Variants in WNK2 observed in about 807,000 individuals in gnomAD.
WNK2 encodes the protein WNK lysine deficient protein kinase 2, also known as serine/threonine-protein kinase WNK2.
WNK2 carries 67 observed loss-of-function variants against 192.1 expected under a neutral mutation model. The ratio of observed to expected loss-of-function variants is 0.35; its 90% CI spans 0.29 to 0.43. The LOEUF (loss-of-function observed/expected upper bound fraction) is 0.43. Ranked by LOEUF, WNK2 falls within the 20% of genes least tolerant of loss-of-function variation. WNK2 has a pLI of 1.00. For synonymous variants in WNK2, 1,439 were observed against 1,393.9 expected (o/e 1.03, Z -0.72); for missense variants, 2,698 against 3,089.7 (o/e 0.87, Z 3.01).
intron 29 of WNK2, chr9:93,318,040 C>T: frequency 6.2e-7 from 1 of 1,612,376 alleles, no homozygotes; most frequent in Non-Finnish European, 8.5e-7. Flanking sequence ...TCCTGTGGTC[C>T]ACGCGCCGTC....
rs188552901 is a variant in WNK2 at position 93,200,212 on chromosome 9, G to A, written c.681+14602G>A. ...CCCCTGGGGACATGGATGGCTTATC[G>A]GGGGGCCTCCTCGAGGCCTGGCCTT... On this transcript the variant is annotated intron_variant, in intron 2 of 29. Coordinates refer to ENST00000427277, the MANE Select transcript of WNK2 (RefSeq NM_006648.4). 4.6e-4 allele frequency among the ~76,000 whole-genome samples: 70 copies of A among 152,322 alleles called. No individual in the cohort carries two copies. The East Asian group carries it at 0.01, about 23-fold the overall frequency.
At chr9:93,319,609 T>A (rs1351355415) in intron 29 of WNK2, among the ~76,000 whole-genome samples, 1 of 152,196 alleles carries the variant, frequency 6.6e-6, no homozygotes, top group East Asian at 1.9e-4. Flanking sequence ...GGAGGCTTGG[T>A]TTGCATTACT....
At chr9:93,240,735 G>A (rs1393424353) in intron 7 of WNK2, among the ~76,000 whole-genome samples, 3 of 152,198 alleles carry the variant, frequency 2.0e-5, no homozygotes, top group African/African-American at 7.2e-5. Context: ...TGTGGGGACA[G>A]GTGCAGCAGG....
intron 27 of WNK2, chr9:93,307,799 T>TG (rs1464323316): frequency 3.9e-5 from 6 of 153,308 alleles, no homozygotes; most frequent in Non-Finnish European, 8.7e-5. Flanking sequence ...CAGGCAGCCC[T>TG]GGCAGGCATT....
At chr9:93,199,986 G>C (rs1832040247) in intron 2 of WNK2, among the ~76,000 whole-genome samples, 1 of 152,042 alleles carries the variant, frequency 6.6e-6, no homozygotes, top group African/African-American at 2.4e-5. Context: ...GTCCAGGGCA[G>C]CCCCAGCCTG....
At chr9:93,198,922 C>T (rs1031501201) in intron 2 of WNK2, among the ~76,000 whole-genome samples, 3 of 152,174 alleles carry the variant, frequency 2.0e-5, no homozygotes, top group South Asian at 2.1e-4. Context: ...GTCTCGAGCT[C>T]GGGGCCTCCT....
At position 93,269,330 on chromosome 9, in the gene WNK2, C is replaced by A. The variant is rs189785330; in HGVS notation, c.4033+584C>A. 8.5e-5 allele frequency among the ~76,000 whole-genome samples: 13 copies of A among 152,268 alleles called. No homozygotes were observed. The East Asian group carries it at 2.3e-3, about 27-fold the overall frequency. On this transcript the variant is annotated intron_variant, in intron 19 of 29. Transcript: ENST00000427277. The stretch of plus-strand genomic sequence containing the variant: ...ACTTGAACAAATTTAAGGTTTAATT[C>A]CTTACCAGTTGGCAGGGGAAAGTTA...
intron 16 of WNK2, among the ~76,000 whole-genome samples, chr9:93,267,470 A>G (rs1845355293): frequency 6.6e-6 from 1 of 152,166 alleles, no homozygotes; most frequent in African/African-American, 2.4e-5. Flanking sequence ...GACCGGCCTC[A>G]GGGTCTGTAA....
intron 7 of WNK2, among the ~76,000 whole-genome samples, chr9:93,244,931 T>C (rs1028935692): frequency 1.3e-5 from 2 of 152,204 alleles, no homozygotes; most frequent in Non-Finnish European, 1.5e-5. Context: ...CTGAGTGGCC[T>C]TGGGGCTGGT....
chr9:93,319,193 C>A, intron 29 of WNK2: 1 of 1,613,106 alleles, frequency 6.2e-7, no homozygotes, highest in East Asian at 2.2e-5. Context: ...GAAAAATAAA[C>A]ACTTTTGCTC....
intron 9 of WNK2, among the ~76,000 whole-genome samples, chr9:93,255,531 C>A (rs573688427): frequency 6.6e-6 from 1 of 152,112 alleles, no homozygotes; most frequent in Admixed American, 6.5e-5. Context: ...GCACCCACCG[C>A]GAAAGACAAG....
rs1178358976 is a variant in WNK2 at position 93,263,960 on chromosome 9, C to T, written c.3623C>T (p.Thr1208Met). ...AAGATGGTGGAGTGCCAGCTGGAGA[C>T]GCACAACCACAAGATGGTGACCTTC... ...GDKMVECQLE[T>M]HNHKMVTFKF... The change falls in exon 16 of 30, where the codon ACG (threonine) becomes ATG (methionine). Residue 1208 changes from threonine to methionine, a missense_variant. By Grantham distance (81) the Thr-to-Met change is moderately conservative (BLOSUM62 -1). Around this residue, in one of 7 missense-constraint regions of WNK2, gnomAD observed 21 missense variants for 53.2 expected, o/e 0.39. Coordinates refer to ENST00000427277, the MANE Select transcript of WNK2 (RefSeq NM_006648.4). 1.2e-6 allele frequency: 2 copies of T among 1,613,296 alleles called. No homozygotes were observed. Among genetic ancestry groups the T allele is most frequent in the East Asian group, 2.2e-5 (1 of 44,874 alleles).
chr9:93,188,093 G>GA (rs1299941608), intron 2 of WNK2, among the ~76,000 whole-genome samples: 1 of 152,158 alleles, frequency 6.6e-6, no homozygotes, highest in African/African-American at 2.4e-5. Flanking sequence ...TTACACTGTA[G>GA]AGGGAGGGTC....
chr9:93,289,566 GC>G lies in WNK2; in HGVS notation c.4817del (p.Pro1606GlnfsTer30). The G allele has an allele frequency of 6.5e-7, 1 of 1,538,790 alleles. No individual in the cohort carries two copies. On this transcript the variant is annotated frameshift_variant, in exon 20 of 30. Coordinates refer to ENST00000427277, the MANE Select transcript of WNK2 (RefSeq NM_006648.4). LOFTEE classifies it high-confidence loss of function. Reference protein sequence around the residue: ...SEVCGGDLALPPVPKEAVSGR... With the variant: ...SEVCGGDLALXPVPKEAVSGR... The stretch of plus-strand genomic sequence containing the variant: ...AGGTCTGCGGGGGGGACCTGGCCCT[GC>G]CCCCAGTGCCTAAGGAGGCGGTCTC...
At chr9:93,251,881 C>T (rs1405568723) in intron 8 of WNK2, among the ~76,000 whole-genome samples, 1 of 152,078 alleles carries the variant, frequency 6.6e-6, no homozygotes, top group Non-Finnish European at 1.5e-5. Flanking sequence ...ATTGGTTTTG[C>T]ACAATTAAAC....
intron 4 of WNK2, among the ~76,000 whole-genome samples, chr9:93,232,551 G>A (rs1839007457): frequency 6.6e-6 from 1 of 152,234 alleles, no homozygotes; most frequent in African/African-American, 2.4e-5. Context: ...CAGGTGGCAG[G>A]AGGGAGGCTT....
chr9:93,290,480 A>G (rs1163467684), intron 21 of WNK2, among the ~76,000 whole-genome samples: 2 of 152,202 alleles, frequency 1.3e-5, no homozygotes, highest in African/African-American at 4.8e-5. Flanking sequence ...ACTGAGTTCT[A>G]GAAGGAGCCA....
intron 19 of WNK2, among the ~76,000 whole-genome samples, chr9:93,283,118 G>T (rs780211035): frequency 6.6e-6 from 1 of 152,146 alleles, no homozygotes; most frequent in Non-Finnish European, 1.5e-5. Context: ...TCATGCTAAT[G>T]AAAATATTAC....
At chr9:93,199,597 A>G (rs958192283) in intron 2 of WNK2, among the ~76,000 whole-genome samples, 1 of 152,214 alleles carries the variant, frequency 6.6e-6, no homozygotes, top group Non-Finnish European at 1.5e-5. Context: ...TGGAAGAAGC[A>G]TTGAAAACAC....
Sources: gnomAD v4.1 joint callset for allele counts (sites outside exome capture counted in the v4.1 genomes callset) on GRCh38, gnomAD v4.1.1 for gene constraint, gnomAD v4.1.1 regional missense constraint, MANE v1.5 for transcripts, NCBI Gene and HGNC (gene_info 2026-07-23, HGNC 2026-07-21) for gene names.